The following SLC1A3 variants were observed in gnomAD, a reference collection of about 807,000 sequenced individuals.
SLC1A3 encodes the protein excitatory amino acid transporter 1.
A neutral mutation model predicts 48.1 loss-of-function variants in SLC1A3; 21 were observed. That is an observed-to-expected ratio of 0.44 (90% confidence interval 0.31 to 0.63). SLC1A3 has a LOEUF of 0.63. Among genes scored for constraint, SLC1A3 ranks in the 20% least tolerant of loss-of-function variants. SLC1A3 has a pLI of 0.08. For missense variants in SLC1A3, 546 were observed against 689.0 expected (o/e 0.79, Z 2.32); for synonymous variants, 239 against 251.4 (o/e 0.95, Z 0.47).
rs1372687512 is a variant in SLC1A3 at position 36,679,631 on chromosome 5, G to A, written c.865G>A (p.Ala289Thr). Residue 289 changes from alanine (A) to threonine (T), a missense_variant, in exon 7 of 10, where the codon GCC (alanine) becomes ACC (threonine). Physicochemically the swap from Ala to Thr is moderately conservative, Grantham distance 58. Transcript: ENST00000265113. ...GCTGGTGTTGCTTCTCCCCAGGTAT[G>A]CCCCCGTGGGTATTCTCTTCCTGAT... ...MRLVAVIMWY[A>T]PVGILFLIAG... 1.9e-6 allele frequency: 3 copies of A among 1,611,672 alleles called. No homozygotes were observed. The highest frequency in any genetic ancestry group is 1.1e-5 in the South Asian group (1 of 91,010).
chr5:36,667,311 A>G (rs1194044198), intron 3 of SLC1A3, among the ~76,000 whole-genome samples: 1 of 152,228 alleles, frequency 6.6e-6, no homozygotes, highest in Non-Finnish European at 1.5e-5. Context: ...GGGAATACTG[A>G]GTAATGGGAC....
upstream of SLC1A3, among the ~76,000 whole-genome samples, chr5:36,602,081 A>G (rs533569956): frequency 1.3e-3 from 192 of 152,312 alleles, no homozygotes; most frequent in Non-Finnish European, 2.0e-3. Context: ...TAGGAAAGGC[A>G]ACCAAGCCCG....
intron 1 of SLC1A3, among the ~76,000 whole-genome samples, chr5:36,599,578 T>C (rs1418136908): frequency 7.0e-6 from 1 of 141,852 alleles, no homozygotes; most frequent in Admixed American, 7.7e-5. Context: ...GGTGCTATTT[T>C]GGCTCACTGC....
At chr5:36,671,740 G>A (rs1742005136) in intron 4 of SLC1A3, among the ~76,000 whole-genome samples, 2 of 152,146 alleles carry the variant, frequency 1.3e-5, no homozygotes, top group African/African-American at 4.8e-5. Context: ...AATGTTTATG[G>A]AGAAAGAATT....
In SLC1A3 at chr5:36,606,621, T is replaced by C. The variant is rs1480939451; in HGVS notation, c.-210T>C. 6.6e-6 allele frequency: 1 copy of C among 152,358 alleles called. No homozygotes were observed. The highest frequency in any genetic ancestry group is 2.4e-5 in the African/African-American group (1 of 41,482). The allele number at this position is 152,358 out of a possible 1,614,324, so 9.4% of individuals were successfully genotyped here. On this transcript the variant is annotated 5_prime_UTR_variant, in exon 1 of 10. Coordinates refer to ENST00000265113, the MANE Select transcript of SLC1A3 (RefSeq NM_004172.5). ...TTGCAGTTTCAGAGCACATGCACACTGTCAGGGCTAGCCTGCCTGCTTACG... is the reference window on the plus strand; with the variant it reads ...TTGCAGTTTCAGAGCACATGCACACCGTCAGGGCTAGCCTGCCTGCTTACG...
intron 3 of SLC1A3, among the ~76,000 whole-genome samples, chr5:36,666,059 G>A (rs1741732199): frequency 6.6e-6 from 1 of 152,068 alleles, no homozygotes; most frequent in Non-Finnish European, 1.5e-5. Flanking sequence ...CTTTCTTTGT[G>A]CTCCCTCCCC....
intron 2 of SLC1A3, among the ~76,000 whole-genome samples, chr5:36,617,439 G>A (rs1298165785): frequency 2.3e-5 from 1 of 43,658 alleles, no homozygotes; most frequent in Non-Finnish European, 4.7e-5. Context: ...TTTTTTTTTG[G>A]CCTATTTTAT....
chr5:36,604,901 A>AGGGGG (rs1738863278), upstream of SLC1A3, among the ~76,000 whole-genome samples: 1 of 35,162 alleles, frequency 2.8e-5, no homozygotes. Flanking sequence ...AAAAAAAAAA[A>AGGGGG]GCGGTGGGGG....
intron 3 of SLC1A3, among the ~76,000 whole-genome samples, chr5:36,660,868 T>G (rs1287749497): frequency 2.0e-5 from 3 of 152,228 alleles, no homozygotes. Flanking sequence ...AAGCCCCTTC[T>G]GAATTTTTCT....
At chr5:36,622,525 C>T (rs1467846855) in intron 2 of SLC1A3, among the ~76,000 whole-genome samples, 1 of 152,102 alleles carries the variant, frequency 6.6e-6, no homozygotes, top group East Asian at 1.9e-4. Context: ...TAAATATTTT[C>T]TGGCATCTTA....
chr5:36,601,108 G>C (rs1738803063), intron 1 of SLC1A3, among the ~76,000 whole-genome samples: 1 of 152,220 alleles, frequency 6.6e-6, no homozygotes, highest in Non-Finnish European at 1.5e-5. Context: ...TGGCAACTTT[G>C]AGCTGTGTGC....
chr5:36,659,716 C>T (rs1384379881), intron 3 of SLC1A3, among the ~76,000 whole-genome samples: 2 of 152,102 alleles, frequency 1.3e-5, no homozygotes, highest in Non-Finnish European at 2.9e-5. Flanking sequence ...TTTGTTTAGG[C>T]CAGTTTCACA....
intron 4 of SLC1A3, among the ~76,000 whole-genome samples, chr5:36,672,000 G>A (rs1742015972): frequency 6.6e-6 from 1 of 152,172 alleles, no homozygotes; most frequent in East Asian, 1.9e-4. Flanking sequence ...AAGGAACCTT[G>A]AAGAAGGTTT....
At chr5:36,683,814 C>T (rs377266042) in intron 8 of SLC1A3, 50 bp from the exon 9 acceptor site, 33 of 1,610,432 alleles carry the variant, frequency 2.0e-5, no homozygotes, top group East Asian at 6.7e-5. Context: ...ATATGCTCTA[C>T]GTGGGGAGCT....
intron 2 of SLC1A3, among the ~76,000 whole-genome samples, chr5:36,627,354 C>T (rs1186028031): frequency 1.3e-5 from 2 of 152,018 alleles, no homozygotes; most frequent in Non-Finnish European, 2.9e-5. Flanking sequence ...ATACTCTGCT[C>T]CTGGGGGTAG....
chr5:36,599,892 G>A (rs1236159817), intron 1 of SLC1A3, among the ~76,000 whole-genome samples: 1 of 151,930 alleles, frequency 6.6e-6, no homozygotes, highest in Non-Finnish European at 1.5e-5. Flanking sequence ...CGCTATCTAG[G>A]CTCACCGCAA....
In SLC1A3 at chr5:36,684,015, T is replaced by C. The variant is rs1466683574; in HGVS notation, c.1424+17T>C. 2 of 1,614,038 alleles carry C rather than the reference T, an allele frequency of 1.2e-6. No homozygotes were observed. The highest frequency in any genetic ancestry group is 1.7e-6 in the Non-Finnish European group (2 of 1,179,996). On this transcript the variant is annotated intron_variant, in intron 9 of 9. Coordinates refer to ENST00000265113, the MANE Select transcript of SLC1A3 (RefSeq NM_004172.5). ...CTGGTTCCTGTGAGTATGCTTGGCCTGCATTCCAGCTCACTGTCACAGGGT... is the reference window on the plus strand; with the variant it reads ...CTGGTTCCTGTGAGTATGCTTGGCCCGCATTCCAGCTCACTGTCACAGGGT...
chr5:36,642,564 T>C (rs1222065501), intron 3 of SLC1A3, among the ~76,000 whole-genome samples: 1 of 152,246 alleles, frequency 6.6e-6, no homozygotes, highest in Non-Finnish European at 1.5e-5. Context: ...TATTGAGATA[T>C]AACTCACATA....
At chr5:36,680,921 A>C (rs958184688) in intron 8 of SLC1A3, among the ~76,000 whole-genome samples, 1 of 152,048 alleles carries the variant, frequency 6.6e-6, no homozygotes, top group Non-Finnish European at 1.5e-5. Context: ...ATCTCAAAAA[A>C]AAAAAAAAAA....
Sources: allele counts gnomAD v4.1 joint callset (sites outside exome capture counted in the v4.1 genomes callset), GRCh38; gene constraint gnomAD v4.1.1; transcripts MANE v1.5; gene names NCBI Gene and HGNC (gene_info 2026-07-23, HGNC 2026-07-21).